The following SNX1 variants were observed in gnomAD, a reference collection of about 807,000 sequenced individuals.
The protein encoded by SNX1 is sorting nexin-1.
SNX1 carries 36 observed loss-of-function variants against 71.8 expected under a neutral mutation model. That is an observed-to-expected ratio of 0.50 (90% CI 0.38 to 0.66). The LOEUF is 0.66. Among genes scored for constraint, SNX1 ranks in the 30% least tolerant of loss-of-function variants. The pLI is 0.00. For missense variants in SNX1, 612 were observed against 646.7 expected (o/e 0.95, Z 0.58); for synonymous variants, 254 against 240.7 (o/e 1.06, Z -0.51).
In SNX1 at chr15:64,096,022, G is replaced by A; in HGVS notation, c.9G>A (p.Ser3=). Residue 3 remains serine (S), a synonymous_variant, in exon 1 of 15, where the codon TCG becomes TCA. Transcript: ENST00000559844. ...GCCGCGGGTGGAAGAAGATGGCGTC[G>A]GGTGGTGGTGGCTGTAGCGCTTCGG... The part of the protein sequence containing the change: MA[S]GGGGCSASER... The A allele has an allele frequency of 1.1e-5, 17 of 1,596,044 alleles. No homozygotes were observed. The highest frequency in any genetic ancestry group is 1.4e-5 in the Non-Finnish European group (17 of 1,175,228).
At chr15:64,122,951 T>G (rs1264166579) in intron 4 of SNX1, among the ~76,000 whole-genome samples, 1 of 152,138 alleles carries the variant, frequency 6.6e-6, no homozygotes, top group Non-Finnish European at 1.5e-5. Context: ...GCCAGACCCT[T>G]TGCTCTTGGT....
At chr15:64,131,568 C>A in intron 10 of SNX1, 119 bp from the exon 11 acceptor site, 1 of 851,910 alleles carries the variant, frequency 1.2e-6, no homozygotes. Flanking sequence ...GGTTGCAGAG[C>A]CCTCAGTTCC....
chr15:64,096,098 G>T lies in SNX1; in HGVS notation c.85G>T (p.Ala29Ser). ...PGLEPESEGA[A>S]GGSEPEAGDS... ...CCTGGAGCCGGAGTCCGAGGGGGCGGCCGGGGGATCAGAACCCGAGGCTGG... is the reference window on the plus strand; with the variant it reads ...CCTGGAGCCGGAGTCCGAGGGGGCGTCCGGGGGATCAGAACCCGAGGCTGG... Residue 29 changes from alanine to serine, a missense_variant, in exon 1 of 15, where the codon GCC becomes TCC. Physicochemically the swap from Ala to Ser is moderately conservative, Grantham distance 99. Transcript: ENST00000559844. 2 of 1,566,362 alleles carry T rather than the reference G, an allele frequency of 1.3e-6. No homozygotes were observed. The highest frequency in any genetic ancestry group is 1.3e-5 in the African/African-American group (1 of 74,298).
chr15:64,105,175 C>T (rs2081007672), intron 1 of SNX1, among the ~76,000 whole-genome samples: 1 of 150,208 alleles, frequency 6.7e-6, no homozygotes, highest in South Asian at 2.1e-4. Flanking sequence ...GTGGAGGTTG[C>T]ACCACTGCAC....
Position 64,127,264 on chromosome 15 carries a change from G to C in SNX1, c.731+12G>C. The C allele has an allele frequency of 6.2e-7, 1 of 1,604,300 alleles. No homozygotes were observed. On this transcript the variant is annotated intron_variant, in intron 7 of 14. Transcript: ENST00000559844. ...GCCGCTTTAGAAAGGTAAGTGCCATGCAGCCATTTTCCTGAATAATGTGAG... is the reference window on the plus strand; with the variant it reads ...GCCGCTTTAGAAAGGTAAGTGCCATCCAGCCATTTTCCTGAATAATGTGAG...
At position 64,118,251 on chromosome 15, in the gene SNX1, A is replaced by T. The variant is rs747263495; in HGVS notation, c.399+7A>T. ...CCAGCCAACCTATGAGGAGGTGAGG[A>T]TCTGTGCTCTTGGTCTTATCGCTTT... On this transcript the variant is annotated splice_region_variant and intron_variant, in intron 3 of 14. Transcript: ENST00000559844. 2 of 1,610,558 alleles carry T rather than the reference A, an allele frequency of 1.2e-6. No individual in the cohort carries two copies. Among genetic ancestry groups the T allele is most frequent in the African/African-American group, 2.7e-5 (2 of 74,464 alleles).
chr15:64,107,921 C>G (rs1359184016), intron 1 of SNX1, among the ~76,000 whole-genome samples: 1 of 152,138 alleles, frequency 6.6e-6, no homozygotes, highest in South Asian at 2.1e-4. Context: ...TGGCCGGGCG[C>G]AGTGGCTCAC....
rs1343420021 is a variant in SNX1 at position 64,143,057 on chromosome 15, G to T, written c.*5439G>T. ...CCACGGGAAGCCCATAGACTTCAAG[G>T]ACATCAAGCCCCAAGGTGGTGGGAT... On this transcript the variant is annotated 3_prime_UTR_variant, in exon 15 of 15. Coordinates refer to ENST00000559844, the MANE Select transcript of SNX1 (RefSeq NM_003099.5). 2 of 186,022 alleles carry T rather than the reference G, an allele frequency of 1.1e-5. No homozygotes were observed. The highest frequency in any genetic ancestry group is 2.3e-5 in the Non-Finnish European group (2 of 88,774). The allele number at this position is 186,022 out of a possible 1,614,324, so 11.5% of individuals were successfully genotyped here. A position where few individuals can be genotyped will look rare whatever the true frequency, so the allele number is the denominator to read the frequency against.
At chr15:64,115,801 G>GT (rs1417899786) in intron 2 of SNX1, 2 of 165,730 alleles carry the variant, frequency 1.2e-5, no homozygotes, top group African/African-American at 4.8e-5. Context: ...CTGGCAAAAG[G>GT]TTTTTAGTAG....
At chr15:64,102,790 A>C (rs548897983) in intron 1 of SNX1, among the ~76,000 whole-genome samples, 2 of 95,636 alleles carry the variant, frequency 2.1e-5, no homozygotes, top group Non-Finnish European at 4.0e-5. Flanking sequence ...TTTTTTTGAC[A>C]CAGGGTCTTG....
chr15:64,127,363 T>C, intron 7 of SNX1, 111 bp downstream of exon 7: 2 of 829,962 alleles, frequency 2.4e-6, no homozygotes, highest in Non-Finnish European at 3.8e-6. Context: ...CGTGAATAAA[T>C]TGAAGTTGCA....
chr15:64,104,085 C>G (rs894256793), intron 1 of SNX1, among the ~76,000 whole-genome samples: 2 of 152,032 alleles, frequency 1.3e-5, no homozygotes, highest in African/African-American at 4.8e-5. Flanking sequence ...TAGGTATATG[C>G]AAAGACTCAT....
rs111801077 is a variant in SNX1 at position 64,129,922 on chromosome 15, C to T, written c.814C>T (p.Arg272Cys). The change falls in exon 9 of 15, where the codon CGT (arginine) becomes TGT (cysteine). Residue 272 changes from arginine (R) to cysteine (C), a missense_variant. This residue lies in a region of SNX1 where 296 missense variants were observed against 361.9 expected (regional missense o/e 0.82). Coordinates refer to ENST00000559844, the MANE Select transcript of SNX1 (RefSeq NM_003099.5). The surrounding 1 kb of genome is among the most constrained non-coding windows in gnomAD (Gnocchi z 4.4). Reference protein sequence around the residue: ...REFLEKEELPRAVGTQTLSGA... With the variant: ...REFLEKEELPCAVGTQTLSGA... ...TGCCTTCTTGGTCTTGTAGCTGCCA[C>T]GTGCCGTGGGTACCCAGACATTGAG... 15 of 1,613,414 alleles carry T rather than the reference C, an allele frequency of 9.3e-6. No individual in the cohort carries two copies. The highest frequency in any genetic ancestry group is 1.3e-5 in the Non-Finnish European group (15 of 1,179,486).
rs1285847789 is a variant in SNX1 at position 64,129,403 on chromosome 15, A to T, written c.808-513A>T. On this transcript the variant is annotated intron_variant, in intron 8 of 14. Coordinates refer to ENST00000559844, the MANE Select transcript of SNX1 (RefSeq NM_003099.5). This position sits in a 1 kb window ranked among gnomAD's most constrained non-coding sequence, Gnocchi z 4.4. The stretch of plus-strand genomic sequence containing the variant: ...AACAGCAATCAGATTGTTTCTGAAT[A>T]TTTGGCATGCTTGACTACTAGGTTA... 6.6e-6 allele frequency among the ~76,000 whole-genome samples: 1 copy of T among 152,172 alleles called. No homozygotes were observed. The highest frequency in any genetic ancestry group is 1.9e-4 in the East Asian group (1 of 5,194).
chr15:64,105,096 G>A (rs963120202), intron 1 of SNX1, among the ~76,000 whole-genome samples: 2 of 151,724 alleles, frequency 1.3e-5, no homozygotes, highest in Admixed American at 6.6e-5. Flanking sequence ...TTAGCCAGGC[G>A]TGGTGGTGCG....
At position 64,134,762 on chromosome 15, in the gene SNX1, CA is replaced by C. The variant is rs1274270584; in HGVS notation, c.1322del (p.Asn441ThrfsTer20). The C allele has an allele frequency of 6.2e-7, 1 of 1,613,942 alleles. No individual in the cohort carries two copies. The highest frequency in any genetic ancestry group is 8.5e-7 in the Non-Finnish European group (1 of 1,180,024). ...REAEARLLWA[N>X]KPDKLQQAKD... The stretch of plus-strand genomic sequence containing the variant: ...AGGCCGAGGCTCGGCTGCTGTGGGC[CA>C]ACAAGCCTGATAAGCTGCAGCAGGC... On this transcript the variant is annotated frameshift_variant, in exon 12 of 15. Transcript: ENST00000559844. LOFTEE classifies it high-confidence loss of function. The surrounding 1 kb of genome is among the most constrained non-coding windows in gnomAD (Gnocchi z 4.1).
At chr15:64,115,647 C>A in intron 2 of SNX1, 1 of 310,832 alleles carries the variant, frequency 3.2e-6, no homozygotes, top group Non-Finnish European at 6.4e-6. Flanking sequence ...CACTGCAGCC[C>A]CGACCTCCCA....
At chr15:64,133,887 CT>C (rs2081331949) in intron 11 of SNX1, among the ~76,000 whole-genome samples, 1 of 152,182 alleles carries the variant, frequency 6.6e-6, no homozygotes, top group Middle Eastern at 3.2e-3. Context: ...AGGCCAGCAG[CT>C]TCCTTCCCTG....
At position 64,130,341 on chromosome 15, in the gene SNX1, A is replaced by C. The variant is rs1352560153; in HGVS notation, c.1015+20A>C. On this transcript the variant is annotated intron_variant, in intron 10 of 14. Transcript: ENST00000559844. ...GGAAAGGTAACAAGCTCTGAAATGC[A>C]CTTGGAGCTAGGGGAAATTGTTGTC... The C allele has an allele frequency of 6.3e-7, 1 of 1,588,854 alleles. No homozygotes were observed. Among genetic ancestry groups the C allele is most frequent in the African/African-American group, 1.3e-5 (1 of 74,452 alleles).
Sources: allele counts gnomAD v4.1 joint callset (sites outside exome capture counted in the v4.1 genomes callset), GRCh38; gene constraint gnomAD v4.1.1; regional missense constraint gnomAD v4.1.1; non-coding constraint Gnocchi (gnomAD v3.1); transcripts MANE v1.5; gene names NCBI Gene and HGNC (gene_info 2026-07-23, HGNC 2026-07-21).